Variants in LRRFIP2 observed in about 807,000 individuals in gnomAD.
LRRFIP2 encodes LRR binding FLII interacting protein 2, also known as leucine-rich repeat flightless-interacting protein 2.
LRRFIP2 carries 109 observed loss-of-function variants against 125.9 expected under a neutral mutation model. That is an observed-to-expected ratio of 0.87 (90% CI 0.74 to 1.01). LRRFIP2 has a LOEUF of 1.01. Among genes scored for constraint, LRRFIP2 ranks in the 50% least tolerant of loss-of-function variants. The pLI, the probability that LRRFIP2 is intolerant of heterozygous loss-of-function variation, is 0.00. For synonymous variants in LRRFIP2, 291 were observed against 293.1 expected (o/e 0.99, Z 0.07); for missense variants, 850 against 862.3 (o/e 0.99, Z 0.18).
chr3:37,084,834 C>T (rs1436319606), intron 18 of LRRFIP2, among the ~76,000 whole-genome samples: 1 of 149,180 alleles, frequency 6.7e-6, no homozygotes, highest in East Asian at 1.9e-4. Flanking sequence ...GTAATTACTA[C>T]TGCCTAATGA....
At chr3:37,165,811 AAGAAAGAAAG>A (rs2096470196) in intron 1 of LRRFIP2, among the ~76,000 whole-genome samples, 1 of 53,400 alleles carries the variant, frequency 1.9e-5, no homozygotes, top group Admixed American at 1.9e-4. Flanking sequence ...GAAAGAAAGA[AAGAAAGAAAG>A]AAAGAAAGAA....
chr3:37,079,304 C>T (rs1470920888), intron 19 of LRRFIP2, among the ~76,000 whole-genome samples: 1 of 152,140 alleles, frequency 6.6e-6, no homozygotes, highest in East Asian at 1.9e-4. Context: ...GTGGGGAAAT[C>T]AAAACCTGCA....
intron 1 of LRRFIP2, among the ~76,000 whole-genome samples, chr3:37,166,227 G>C (rs1028508327): frequency 5.3e-5 from 8 of 152,120 alleles, no homozygotes; most frequent in African/African-American, 1.7e-4. Context: ...CTATTCAGGA[G>C]ACTGAGGCAG....
In LRRFIP2 at chr3:37,121,522, T is replaced by G. The variant is rs142879827; in HGVS notation, c.300A>C (p.Ala100=). The G allele has an allele frequency of 1.2e-6, 2 of 1,614,054 alleles. No homozygotes were observed. The highest frequency in any genetic ancestry group is 1.7e-6 in the Non-Finnish European group (2 of 1,179,918). The part of the protein sequence containing the change: ...HHRPYLGVED[A]LSIRSVGSHR... The stretch of plus-strand genomic sequence containing the variant: ...GACTGCCAACACTTCGAATGGACAA[T>G]GCATCCTCAACTCCCTGATAAAAAT... The change falls in exon 6 of 28, where the codon GCA becomes GCC. Residue 100 remains alanine, a synonymous_variant. Coordinates refer to ENST00000336686, the MANE Select transcript of LRRFIP2 (RefSeq NM_006309.4).
chr3:37,056,790 A>C (rs974621440), intron 25 of LRRFIP2, among the ~76,000 whole-genome samples: 1 of 152,180 alleles, frequency 6.6e-6, no homozygotes, highest in Non-Finnish European at 1.5e-5. Context: ...CCCAAAAGCC[A>C]TATCTGGTAG....
intron 15 of LRRFIP2, among the ~76,000 whole-genome samples, chr3:37,101,349 T>G (rs2094031190): frequency 7.6e-6 from 1 of 131,716 alleles, no homozygotes; most frequent in Non-Finnish European, 1.6e-5. Context: ...AGAGTGAGAC[T>G]CCGTCTCAAA....
At chr3:37,066,371 A>T in intron 21 of LRRFIP2, 46 bp from the exon 22 acceptor site, 1 of 1,433,474 alleles carries the variant, frequency 7.0e-7, no homozygotes, top group Non-Finnish European at 9.8e-7. Context: ...ACAGAAAAAG[A>T]GCAGGTGAAA....
At position 37,107,438 on chromosome 3, in the gene LRRFIP2, T is replaced by C. The variant is rs78342947; in HGVS notation, c.714+635A>G. On this transcript the variant is annotated intron_variant, in intron 13 of 27. Transcript: ENST00000336686. Reference sequence around the variant, plus strand: ...GAGGAGCAGTATGTAATATGACCCATTTGCACTCAAAATAAAGAGCACTCA... The same window carrying C: ...GAGGAGCAGTATGTAATATGACCCACTTGCACTCAAAATAAAGAGCACTCA... 9.2e-5 allele frequency among the ~76,000 whole-genome samples: 14 copies of C among 152,252 alleles called. No homozygotes were observed. The South Asian group carries it at 2.5e-3, about 27-fold the overall frequency.
chr3:37,101,916 T>C (rs2094078074), intron 15 of LRRFIP2, among the ~76,000 whole-genome samples: 1 of 152,178 alleles, frequency 6.6e-6, no homozygotes, highest in South Asian at 2.1e-4. Flanking sequence ...AATCCTTTCC[T>C]AAATTCAGTT....
intron 2 of LRRFIP2, among the ~76,000 whole-genome samples, chr3:37,135,674 A>G (rs1461515611): frequency 1.3e-5 from 2 of 152,216 alleles, no homozygotes; most frequent in Admixed American, 6.5e-5. Context: ...AAAATGACCA[A>G]TAAGTACATA....
chr3:37,126,470 T>C (rs996761369), intron 4 of LRRFIP2, among the ~76,000 whole-genome samples: 1 of 152,132 alleles, frequency 6.6e-6, no homozygotes, highest in Non-Finnish European at 1.5e-5. Flanking sequence ...AGTCACTACC[T>C]GAATTTTAAA....
chr3:37,138,225 A>G (rs76147343), intron 2 of LRRFIP2, among the ~76,000 whole-genome samples: 1 of 152,338 alleles, frequency 6.6e-6, no homozygotes, highest in African/African-American at 2.4e-5. Flanking sequence ...TTAAATTTGG[A>G]TTTTGTTACT....
At chr3:37,071,412 A>C (rs779046687) in intron 21 of LRRFIP2, among the ~76,000 whole-genome samples, 1 of 152,116 alleles carries the variant, frequency 6.6e-6, no homozygotes, top group East Asian at 1.9e-4. Flanking sequence ...GGGTCTCACT[A>C]TGTTGCCCAA....
chr3:37,172,787 C>A (rs1222439801), intron 1 of LRRFIP2: 1 of 152,100 alleles, frequency 6.6e-6, no homozygotes, highest in African/African-American at 2.4e-5. Flanking sequence ...CATGATCAAC[C>A]CAGTTTTTAG....
chr3:37,111,102 T>C, intron 8 of LRRFIP2, 37 bp from the exon 9 acceptor site: 1 of 1,543,222 alleles, frequency 6.5e-7, no homozygotes, highest in Admixed American at 1.7e-5. Flanking sequence ...TTTCTTAGGC[T>C]AAATGTTAAT....
chr3:37,099,220 G>A (rs2093892243), intron 15 of LRRFIP2, among the ~76,000 whole-genome samples: 1 of 152,044 alleles, frequency 6.6e-6, no homozygotes, highest in South Asian at 2.1e-4. Flanking sequence ...TCTTAGACTT[G>A]TACTATCTTG....
chr3:37,121,423 T>C, intron 6 of LRRFIP2, 69 bp downstream of exon 6: 1 of 1,421,852 alleles, frequency 7.0e-7, no homozygotes, highest in African/African-American at 1.4e-5. Context: ...TGTCAGATTG[T>C]TTAGGCAACA....
chr3:37,161,840 A>C (rs1411222832), intron 1 of LRRFIP2, among the ~76,000 whole-genome samples: 1 of 151,936 alleles, frequency 6.6e-6, no homozygotes, highest in Non-Finnish European at 1.5e-5. Context: ...AGAAAAATAT[A>C]TAAGGTTAAA....
Position 37,065,814 on chromosome 3 carries a change from T to C in LRRFIP2, c.1695A>G (p.Pro565=), listed in dbSNP as rs2090015982. The stretch of plus-strand genomic sequence containing the variant: ...ACATAGCAACCAGTATCTTACCTAA[T>C]GGCCCTTCTCCTGCTGACTCCAAGA... ...AQVLESAGEG[P]LDVRLRKLAG... is the part of the protein sequence containing the mutation. The change falls in exon 23 of 28, where the codon CCA becomes CCG. Residue 565 remains proline (P), a synonymous_variant. Transcript: ENST00000336686. 6.2e-7 allele frequency: 1 copy of C among 1,614,166 alleles called. No individual in the cohort carries two copies. Among genetic ancestry groups the C allele is most frequent in the Non-Finnish European group, 8.5e-7 (1 of 1,180,000 alleles).
Sources: gnomAD v4.1 joint callset for allele counts (sites outside exome capture counted in the v4.1 genomes callset) on GRCh38, gnomAD v4.1.1 for gene constraint, MANE v1.5 for transcripts, NCBI Gene and HGNC (gene_info 2026-07-23, HGNC 2026-07-21) for gene names.